Variants in PIBF1 observed in about 807,000 individuals in gnomAD.
The protein encoded by PIBF1 is progesterone immunomodulatory binding factor 1.
PIBF1 carries 90 observed loss-of-function variants against 112.5 expected under a neutral mutation model. That is an observed-to-expected ratio of 0.80 (90% CI 0.67 to 0.95). PIBF1 has a LOEUF of 0.95. Among genes scored for constraint, PIBF1 ranks in the 40% least tolerant of loss-of-function variants. The pLI, the probability that PIBF1 is intolerant of heterozygous loss-of-function variation, is 0.00. For synonymous variants in PIBF1, 301 were observed against 288.6 expected, an observed-to-expected ratio of 1.04 and a Z score of -0.44; for missense variants, 915 against 852.3, an observed-to-expected ratio of 1.07 and a Z score of -0.92.
At chr13:72,792,863 G>A (rs2035006072) in intron 3 of PIBF1, among the ~76,000 whole-genome samples, 1 of 152,114 alleles carries the variant, frequency 6.6e-6, no homozygotes, top group African/African-American at 2.4e-5. Flanking sequence ...ATGACCCATT[G>A]GACTTTCCTG....
At chr13:72,794,390 C>T (rs891362132) in intron 3 of PIBF1, among the ~76,000 whole-genome samples, 2 of 152,018 alleles carry the variant, frequency 1.3e-5, no homozygotes, top group African/African-American at 2.4e-5. Context: ...TTTGTTTGTT[C>T]ATTTGTTGTA....
At chr13:72,930,059 C>G (rs1378843491) in intron 13 of PIBF1, among the ~76,000 whole-genome samples, 4 of 152,052 alleles carry the variant, frequency 2.6e-5, no homozygotes, top group Non-Finnish European at 5.9e-5. Flanking sequence ...AGGGTCTCAC[C>G]CTGTTGCCCA....
Position 72,872,567 on chromosome 13 carries a change from C to T in PIBF1, c.1322+18412C>T, listed in dbSNP as rs924076444. On this transcript the variant is annotated intron_variant, in intron 10 of 17. Transcript: ENST00000326291. ...AATTTGGGAAGAGATTTAATAATTG[C>T]TGTGGAGTAATATTGTGCTAAATGT... Among the ~76,000 whole-genome samples the T allele has an allele frequency of 2.0e-5, 3 of 152,062 alleles. No individual in the cohort carries two copies. The South Asian group carries it at 6.2e-4, about 32-fold the overall frequency.
intron 17 of PIBF1, among the ~76,000 whole-genome samples, chr13:73,001,431 C>T (rs918047033): frequency 3.3e-5 from 5 of 152,048 alleles, no homozygotes; most frequent in South Asian, 2.1e-4. Flanking sequence ...TAGGTATTTT[C>T]CCCTGATAGT....
chr13:72,868,364 A>G (rs2039012940), intron 10 of PIBF1, among the ~76,000 whole-genome samples: 1 of 152,088 alleles, frequency 6.6e-6, no homozygotes, highest in African/African-American at 2.4e-5. Flanking sequence ...GAATGCACCC[A>G]GATCATCCTA....
rs2036712077 is a variant in PIBF1 at position 72,824,509 on chromosome 13, TA to T, written c.807-2500del. Among the ~76,000 whole-genome samples, 11 of 152,326 alleles carry T rather than the reference TA, an allele frequency of 7.2e-5. No homozygotes were observed. The South Asian group carries it at 2.3e-3, about 32-fold the overall frequency. On this transcript the variant is annotated intron_variant, in intron 6 of 17. Transcript: ENST00000326291. The stretch of plus-strand genomic sequence containing the variant: ...AAAGAGGATCTTAAAATTTTTTTAA[TA>T]CATCATCTTTACCATTTTTAAGTGT...
At chr13:72,835,140 T>G (rs912819410) in intron 8 of PIBF1, 103 bp from the exon 9 acceptor site, 6 of 723,920 alleles carry the variant, frequency 8.3e-6, no homozygotes, top group Non-Finnish European at 1.2e-5. Flanking sequence ...GTAACACAGT[T>G]TATAGAGCAT....
intron 14 of PIBF1, among the ~76,000 whole-genome samples, chr13:72,936,255 C>T (rs1020001432): frequency 3.9e-5 from 6 of 151,950 alleles, no homozygotes; most frequent in Admixed American, 3.9e-4. Context: ...CAGGTTGTCT[C>T]GAACTCCTGG....
At chr13:72,792,581 T>C (rs1489771506) in intron 3 of PIBF1, 34 bp downstream of exon 3, 1 of 1,089,152 alleles carries the variant, frequency 9.2e-7, no homozygotes. Context: ...AAAAACAACA[T>C]CTATTTAGCA....
intron 17 of PIBF1, among the ~76,000 whole-genome samples, chr13:73,014,634 A>G (rs2139071239): frequency 6.6e-6 from 1 of 152,312 alleles, no homozygotes; most frequent in East Asian, 1.9e-4. Context: ...AGGGATATTA[A>G]TAATGGAAGA....
intron 13 of PIBF1, among the ~76,000 whole-genome samples, chr13:72,919,501 A>G (rs1027665041): frequency 2.0e-5 from 3 of 152,218 alleles, no homozygotes; most frequent in African/African-American, 7.2e-5. Flanking sequence ...AATTTTCAGC[A>G]TATCTGTTTC....
chr13:72,917,101 G>A lies in PIBF1; in HGVS notation c.1665G>A (p.Arg555=). 1 of 1,595,126 alleles carries A rather than the reference G, an allele frequency of 6.3e-7. No individual in the cohort carries two copies. Among genetic ancestry groups the A allele is most frequent in the South Asian group, 1.1e-5 (1 of 87,982 alleles). ...AEIENEDEAE[R]VLFSYGYGAN... Reference sequence around the variant, plus strand: ...TTGAAAATGAAGATGAGGCTGAAAGGGTTCTTTTTTCCTACGGCTATGGTG... The same window carrying A: ...TTGAAAATGAAGATGAGGCTGAAAGAGTTCTTTTTTCCTACGGCTATGGTG... The change falls in exon 13 of 18, where the codon AGG becomes AGA. Residue 555 remains arginine (R), a synonymous_variant. Transcript: ENST00000326291.
chr13:73,003,285 C>T (rs899988558), intron 17 of PIBF1, among the ~76,000 whole-genome samples: 19 of 151,228 alleles, frequency 1.3e-4, no homozygotes, highest in East Asian at 5.8e-4. Context: ...CAGAGTCTCA[C>T]GCTGTCGCCC....
chr13:72,921,810 G>T (rs866039074), intron 13 of PIBF1, among the ~76,000 whole-genome samples: 1 of 151,868 alleles, frequency 6.6e-6, no homozygotes, highest in African/African-American at 2.4e-5. Context: ...GTTACACCTT[G>T]ATGTGTTTGT....
intron 13 of PIBF1, among the ~76,000 whole-genome samples, chr13:72,928,028 T>TATATACATATATATAA (rs1566458703): frequency 1.7e-5 from 1 of 58,870 alleles, no homozygotes; most frequent in African/African-American, 5.1e-5. Context: ...TATATATACA[T>TATATACATATATATAA]ATATATATAT....
chr13:72,901,855 T>C (rs1243663519), intron 11 of PIBF1, among the ~76,000 whole-genome samples: 1 of 152,174 alleles, frequency 6.6e-6, no homozygotes, highest in Admixed American at 6.5e-5. Flanking sequence ...ATCCCATTAC[T>C]GGGCATCTAC....
At chr13:72,852,030 T>TC (rs2038183745) in intron 9 of PIBF1, among the ~76,000 whole-genome samples, 1 of 152,210 alleles carries the variant, frequency 6.6e-6, no homozygotes, top group Non-Finnish European at 1.5e-5. Context: ...GGGAAGCACC[T>TC]CTTTGTCTTA....
At chr13:72,992,495 A>G (rs1222208774) in intron 16 of PIBF1, among the ~76,000 whole-genome samples, 2 of 152,132 alleles carry the variant, frequency 1.3e-5, no homozygotes, top group African/African-American at 4.8e-5. Context: ...AAATTATCGC[A>G]TCCACGTACA....
At chr13:72,937,973 A>G (rs1161423488) in intron 14 of PIBF1, among the ~76,000 whole-genome samples, 1 of 152,098 alleles carries the variant, frequency 6.6e-6, no homozygotes, top group Non-Finnish European at 1.5e-5. Context: ...CTTCTGGTTG[A>G]TGCACTTCCT....
Sources: gnomAD v4.1 joint callset for allele counts (sites outside exome capture counted in the v4.1 genomes callset) on GRCh38, gnomAD v4.1.1 for gene constraint, MANE v1.5 for transcripts, NCBI Gene and HGNC (gene_info 2026-07-23, HGNC 2026-07-21) for gene names.